The following SH3GL3 variants were observed in gnomAD, a reference collection of about 807,000 sequenced individuals.
The protein encoded by SH3GL3 is endophilin-A3.
Under a neutral mutation model 47.7 loss-of-function variants are expected in SH3GL3, and 33 were observed. That is an observed-to-expected ratio of 0.69 (90% confidence interval 0.52 to 0.92). The LOEUF is 0.92. Ranked by LOEUF, SH3GL3 falls within the 40% of genes least tolerant of loss-of-function variation. The pLI, the probability that SH3GL3 is intolerant of heterozygous loss-of-function variation, is 0.00. For synonymous variants in SH3GL3, 155 were observed against 148.8 expected (o/e 1.04, Z -0.30); for missense variants, 363 against 417.8 (o/e 0.87, Z 1.14).
At chr15:83,514,202 A>G (rs1411814668) in intron 1 of SH3GL3, among the ~76,000 whole-genome samples, 1 of 152,230 alleles carries the variant, frequency 6.6e-6, no homozygotes, top group East Asian at 1.9e-4. Context: ...TTTCCAGAAC[A>G]AGGACTTGTC....
intron 5 of SH3GL3, among the ~76,000 whole-genome samples, chr15:83,573,186 C>T (rs1194510535): frequency 1.3e-5 from 2 of 152,192 alleles, no homozygotes; most frequent in Admixed American, 1.3e-4. Context: ...TTGCATGCCA[C>T]TTGCATGGTG....
At chr15:83,555,480 A>G (rs1426469763) in intron 1 of SH3GL3, among the ~76,000 whole-genome samples, 1 of 151,950 alleles carries the variant, frequency 6.6e-6, no homozygotes, top group Non-Finnish European at 1.5e-5. Context: ...ACTTCTCTCT[A>G]GTGATTGTGG....
At chr15:83,584,175 T>C (rs1191993207) in intron 6 of SH3GL3, among the ~76,000 whole-genome samples, 1 of 152,306 alleles carries the variant, frequency 6.6e-6, no homozygotes, top group East Asian at 1.9e-4. Context: ...CCTGCATTTC[T>C]TGGCTCATTC....
chr15:83,579,804 G>A (rs1191616190), intron 6 of SH3GL3, among the ~76,000 whole-genome samples: 1 of 152,124 alleles, frequency 6.6e-6, no homozygotes, highest in Non-Finnish European at 1.5e-5. Context: ...TCTTCTTGGG[G>A]TCAACAGCAG....
intron 1 of SH3GL3, among the ~76,000 whole-genome samples, chr15:83,527,419 A>G (rs1313644933): frequency 6.6e-6 from 1 of 151,912 alleles, no homozygotes; most frequent in Non-Finnish European, 1.5e-5. Context: ...ATACATTTAG[A>G]TTTATTATTT....
At chr15:83,463,532 C>A (rs555148141) in intron 1 of SH3GL3, among the ~76,000 whole-genome samples, 4 of 152,110 alleles carry the variant, frequency 2.6e-5, no homozygotes, top group Admixed American at 6.5e-5. Flanking sequence ...ATAATTTGTG[C>A]CCAGATTATA....
At position 83,469,870 on chromosome 15, in the gene SH3GL3, C is replaced by G. The variant is rs1054655384; in HGVS notation, c.45+22292C>G. Among the ~76,000 whole-genome samples the G allele has an allele frequency of 4.6e-5, 7 of 152,266 alleles. No homozygotes were observed. The East Asian group carries it at 1.2e-3, about 25-fold the overall frequency. On this transcript the variant is annotated intron_variant, in intron 1 of 8. Transcript: ENST00000427482. ...ATAGTGTTACTGAGTTCTTCTATAT[C>G]CTTACTGATTTTCTGTCTAGTTCTA...
intron 1 of SH3GL3, among the ~76,000 whole-genome samples, chr15:83,506,522 C>T (rs779141795): frequency 5.9e-5 from 9 of 152,248 alleles, no homozygotes; most frequent in Non-Finnish European, 1.0e-4. Context: ...TCTTGTTTTT[C>T]GGCATTGTCC....
chr15:83,511,953 G>T (rs934662794), intron 1 of SH3GL3, among the ~76,000 whole-genome samples: 3 of 151,534 alleles, frequency 2.0e-5, no homozygotes, highest in Admixed American at 2.0e-4. Context: ...GGACCTAAAA[G>T]GAGCCAGGCC....
chr15:83,459,943 C>A (rs1050034683), intron 1 of SH3GL3, among the ~76,000 whole-genome samples: 17 of 149,902 alleles, frequency 1.1e-4, no homozygotes, highest in Admixed American at 2.7e-4. Context: ...CTGTTTCCCC[C>A]CCACCCCCAG....
At chr15:83,625,157 G>A in the SH3GL3 span, among the ~76,000 whole-genome samples, 1 of 152,156 alleles carries the variant, frequency 6.6e-6, no homozygotes, top group Non-Finnish European at 1.5e-5. Flanking sequence ...TACTTGGGAG[G>A]CTGAGGCAGC....
chr15:83,508,901 A>C (rs534053135), intron 1 of SH3GL3, among the ~76,000 whole-genome samples: 10 of 152,220 alleles, frequency 6.6e-5, no homozygotes, highest in Middle Eastern at 3.4e-3. Context: ...TTACATTTTT[A>C]AAAGATCATT....
intron 1 of SH3GL3, among the ~76,000 whole-genome samples, chr15:83,478,734 C>T (rs759626650): frequency 2.6e-5 from 4 of 152,182 alleles, no homozygotes; most frequent in African/African-American, 4.8e-5. Flanking sequence ...GTAAGCCTCA[C>T]TCTCCTCTTC....
intron 1 of SH3GL3, among the ~76,000 whole-genome samples, chr15:83,534,933 T>C (rs2732151): frequency 0.35 from 53,841 of 152,048 alleles, 10,286 homozygotes; most frequent in South Asian, 0.54. Flanking sequence ...TGTTTGTATA[T>C]GTAAATTTAG....
At chr15:83,620,093 C>T (rs566149211), downstream of SH3GL3, among the ~76,000 whole-genome samples, 26 of 152,272 alleles carry the variant, frequency 1.7e-4, no homozygotes, top group South Asian at 4.1e-4. Flanking sequence ...AGCTTTTTTA[C>T]GAGATTGCAG....
intron 8 of SH3GL3, 98 bp from the exon 9 acceptor site, chr15:83,617,984 G>A (rs2060873044): frequency 8.7e-6 from 7 of 800,278 alleles, no homozygotes; most frequent in Non-Finnish European, 1.5e-5. Context: ...AGCAAGGCCT[G>A]CTGTTAAGGG....
chr15:83,500,113 C>T (rs1199064710), intron 1 of SH3GL3, among the ~76,000 whole-genome samples: 4 of 152,172 alleles, frequency 2.6e-5, no homozygotes, highest in Non-Finnish European at 5.9e-5. Context: ...GGAAGGTGCA[C>T]TCACATTCTG....
intron 8 of SH3GL3, among the ~76,000 whole-genome samples, chr15:83,616,978 CAAG>C (rs980556673): frequency 2.6e-5 from 4 of 152,092 alleles, no homozygotes; most frequent in Admixed American, 6.5e-5. Flanking sequence ...CTAGCTTGTA[CAAG>C]AAGAATCTTT....
intron 1 of SH3GL3, among the ~76,000 whole-genome samples, chr15:83,482,485 G>A (rs1046693776): frequency 1.3e-5 from 2 of 151,010 alleles, no homozygotes; most frequent in African/African-American, 2.4e-5. Flanking sequence ...TTAGTCTGTT[G>A]AGCCTTCTTA....
Sources: gnomAD v4.1 joint callset for allele counts (sites outside exome capture counted in the v4.1 genomes callset) on GRCh38, gnomAD v4.1.1 for gene constraint, MANE v1.5 for transcripts, NCBI Gene and HGNC (gene_info 2026-07-23, HGNC 2026-07-21) for gene names.